SPATA31D1: variants seen among roughly 807,000 people sequenced by gnomAD.
SPATA31D1 encodes the protein spermatogenesis-associated protein 31D1.
A neutral mutation model predicts 13.2 loss-of-function variants in SPATA31D1; 6 were observed. The observed-to-expected ratio is 0.46, with a 90% CI of 0.25 to 0.90. SPATA31D1 has a LOEUF of 0.90. Among genes scored for constraint, SPATA31D1 ranks in the 40% least tolerant of loss-of-function variants. The probability of loss-of-function intolerance (pLI) is 0.18; values close to 1 mark genes in which losing one functional copy is unlikely to be tolerated. For missense variants in SPATA31D1, 2,445 were observed against 1,884.7 expected, an observed-to-expected ratio of 1.30 and a Z score of -5.50; for synonymous variants, 903 against 718.8, an observed-to-expected ratio of 1.26 and a Z score of -4.10.
At position 81,994,654 on chromosome 9, in the gene SPATA31D1, C is replaced by T; in HGVS notation, c.4184C>T (p.Ala1395Val). 1.9e-6 allele frequency: 3 copies of T among 1,613,480 alleles called. No homozygotes were observed. Among genetic ancestry groups the T allele is most frequent in the Non-Finnish European group, 2.5e-6 (3 of 1,179,632 alleles). Residue 1395 changes from alanine (A) to valine (V), a missense_variant, in exon 4 of 4, where the codon GCC becomes GTC. Ala to Val is a moderately conservative substitution (Grantham distance 64). Transcript: ENST00000344803. Reference sequence around the variant, plus strand: ...AATATTGGTCGAGTTATAAGAGCTGCCTTTACTGGGACTACTGAAGCTCAG... The same window carrying T: ...AATATTGGTCGAGTTATAAGAGCTGTCTTTACTGGGACTACTGAAGCTCAG... ...VQNIGRVIRA[A>V]FTGTTEAQKI...
chr9:81,992,965 T>C lies in SPATA31D1; in HGVS notation c.2495T>C (p.Val832Ala), dbSNP rs1261880621. ...GQKQLENALT[V>A]RLSKKFEEIN... ...AAACAACTTGAAAATGCCCTGACAG[T>C]ACGTTTGAGCAAGAAATTTGAGGAA... The change falls in exon 4 of 4, where the codon GTA (valine) becomes GCA (alanine). Residue 832 changes from valine (V) to alanine (A), a missense_variant. Val to Ala is a moderately conservative substitution (Grantham distance 64). Coordinates refer to ENST00000344803, the MANE Select transcript of SPATA31D1 (RefSeq NM_001001670.3). The C allele has an allele frequency of 1.4e-5, 22 of 1,613,718 alleles. No homozygotes were observed. Among genetic ancestry groups the C allele is most frequent in the Non-Finnish European group, 1.9e-5 (22 of 1,179,720 alleles).
rs1355385477 is a variant in SPATA31D1 at position 81,992,779 on chromosome 9, G to A, written c.2309G>A (p.Gly770Glu). Residue 770 changes from glycine (G) to glutamate (E), a missense_variant, in exon 4 of 4, where the codon GGG becomes GAG. Gly to Glu is a moderately conservative substitution (Grantham distance 98). Transcript: ENST00000344803. ...SSNMLSMENV[G>E]NYQGYSQETV... is the part of the protein sequence containing the mutation. ...AATATGCTTTCCATGGAGAATGTGG[G>A]GAATTATCAGGGATACAGCCAGGAG... 1 of 1,613,784 alleles carries A rather than the reference G, an allele frequency of 6.2e-7. No homozygotes were observed. Among genetic ancestry groups the A allele is most frequent in the Non-Finnish European group, 8.5e-7 (1 of 1,179,726 alleles).
rs1161347998 is a variant in SPATA31D1, at chr9:81,990,990, TCCACCCCCTCA to T, written c.521_531del (p.Ser174CysfsTer14). 6.2e-7 allele frequency: 1 copy of T among 1,613,596 alleles called. No homozygotes were observed. Among genetic ancestry groups the T allele is most frequent in the African/African-American group, 1.3e-5 (1 of 74,878 alleles). ...GACTGAGTCATCGTTCACTCTGGCT[TCCACCCCCTCA>T]GCAACCCCTCCAGAAGACCTAATAC... On this transcript the variant is annotated frameshift_variant, in exon 4 of 4. Coordinates refer to ENST00000344803, the MANE Select transcript of SPATA31D1 (RefSeq NM_001001670.3). LOFTEE classifies it low-confidence loss of function (END_TRUNC).
rs1313651844 is a variant in SPATA31D1, at chr9:81,994,347, A to C, written c.3877A>C (p.Arg1293=). The change falls in exon 4 of 4, where the codon AGA becomes CGA. Residue 1293 remains arginine (R), a synonymous_variant. Coordinates refer to ENST00000344803, the MANE Select transcript of SPATA31D1 (RefSeq NM_001001670.3). ...QVTNFPPAVN[R]VSPVRPKGGE... ...TACGAATTTCCCACCAGCTGTAAAC[A>C]GAGTGAGTCCTGTGAGACCCAAAGG... is the stretch of plus-strand genomic sequence containing the variant. 1.9e-6 allele frequency: 3 copies of C among 1,613,944 alleles called. No individual in the cohort carries two copies. In the East Asian group the frequency reaches 6.7e-5, roughly 36 times the overall value.
Position 81,993,738 on chromosome 9 carries a change from C to T in SPATA31D1, c.3268C>T (p.Leu1090=). 6.2e-7 allele frequency: 1 copy of T among 1,614,008 alleles called. No homozygotes were observed. The highest frequency in any genetic ancestry group is 1.1e-5 in the South Asian group (1 of 91,088). ...AACAGAGGATGGCAGACAGACTTTTCTGCCCCCGCCACACAGCATCGTAGA... is the reference window on the plus strand; with the variant it reads ...AACAGAGGATGGCAGACAGACTTTTTTGCCCCCGCCACACAGCATCGTAGA... The part of the protein sequence containing the change: ...RTTEDGRQTF[L]PPPHSIVDEV... Residue 1090 remains leucine (L), a synonymous_variant, in exon 4 of 4, where the codon CTG becomes TTG. Transcript: ENST00000344803.
In SPATA31D1 at chr9:81,994,617, T is replaced by G. The variant is rs759281561; in HGVS notation, c.4147T>G (p.Ser1383Ala). The G allele has an allele frequency of 7.4e-6, 12 of 1,613,196 alleles. No individual in the cohort carries two copies. Among genetic ancestry groups the G allele is most frequent in the Non-Finnish European group, 1.0e-5 (12 of 1,179,528 alleles). ...SSWEKGSSLS[S>A]CVQNIGRVIR... The stretch of plus-strand genomic sequence containing the variant: ...CTGGGAAAAGGGTAGCTCCCTGTCA[T>G]CATGTGTGCAGAATATTGGTCGAGT... The change falls in exon 4 of 4, where the codon TCA becomes GCA. Residue 1383 changes from serine to alanine, a missense_variant. Transcript: ENST00000344803.
Position 81,994,778 on chromosome 9 carries a change from G to C in SPATA31D1, c.4308G>C (p.Val1436=). Residue 1436 remains valine (V), a synonymous_variant, in exon 4 of 4, where the codon GTG becomes GTC. Transcript: ENST00000344803. ...TCPQEPLSFP[V]GLGKAQHNPE... Reference sequence around the variant, plus strand: ...CCCAAGAGCCCCTTTCCTTCCCAGTGGGGCTTGGGAAAGCTCAGCACAACC... The same window carrying C: ...CCCAAGAGCCCCTTTCCTTCCCAGTCGGGCTTGGGAAAGCTCAGCACAACC... 6.2e-7 allele frequency: 1 copy of C among 1,613,958 alleles called. No homozygotes were observed. Among genetic ancestry groups the C allele is most frequent in the Admixed American group, 1.7e-5 (1 of 60,024 alleles).
chr9:81,994,158 G>A lies in SPATA31D1; in HGVS notation c.3688G>A (p.Asp1230Asn). The change falls in exon 4 of 4, where the codon GAT becomes AAT. Residue 1230 changes from aspartate (D) to asparagine (N), a missense_variant. Transcript: ENST00000344803. ...TTTCACTGACATGTCTTTTGCCTTAGATAACTTGAGTTCCAAGGACTTACT... is the reference window on the plus strand; with the variant it reads ...TTTCACTGACATGTCTTTTGCCTTAAATAACTTGAGTTCCAAGGACTTACT... ...SHFTDMSFAL[D>N]NLSSKDLLTN... 1 of 1,614,024 alleles carries A rather than the reference G, an allele frequency of 6.2e-7. No homozygotes were observed. The highest frequency in any genetic ancestry group is 8.5e-7 in the Non-Finnish European group (1 of 1,179,892).
In SPATA31D1 at chr9:81,994,670, T is replaced by A; in HGVS notation, c.4200T>A (p.Thr1400=). 1 of 1,613,584 alleles carries A rather than the reference T, an allele frequency of 6.2e-7. No individual in the cohort carries two copies. Among genetic ancestry groups the A allele is most frequent in the Non-Finnish European group, 8.5e-7 (1 of 1,179,676 alleles). Residue 1400 remains threonine, a synonymous_variant, in exon 4 of 4, where the codon ACT becomes ACA. Coordinates refer to ENST00000344803, the MANE Select transcript of SPATA31D1 (RefSeq NM_001001670.3). ...RVIRAAFTGT[T]EAQKIRKDTR... is the part of the protein sequence containing the mutation. Reference sequence around the variant, plus strand: ...TAAGAGCTGCCTTTACTGGGACTACTGAAGCTCAGAAAATTAGGAAAGACA... The same window carrying A: ...TAAGAGCTGCCTTTACTGGGACTACAGAAGCTCAGAAAATTAGGAAAGACA...
Position 81,992,759 on chromosome 9 carries a change from G to A in SPATA31D1, c.2289G>A (p.Met763Ile). The change falls in exon 4 of 4, where the codon ATG becomes ATA. Residue 763 changes from methionine to isoleucine, a missense_variant. Met to Ile is a conservative substitution (Grantham distance 10). Coordinates refer to ENST00000344803, the MANE Select transcript of SPATA31D1 (RefSeq NM_001001670.3). ...GCTTCCACGAGAGGAGCTCAAATAT[G>A]CTTTCCATGGAGAATGTGGGGAATT... The part of the protein sequence containing the change: ...PRSFHERSSN[M>I]LSMENVGNYQ... 6.2e-7 allele frequency: 1 copy of A among 1,613,842 alleles called. No homozygotes were observed. The highest frequency in any genetic ancestry group is 8.5e-7 in the Non-Finnish European group (1 of 1,179,736).
chr9:81,990,476 CT>C lies in SPATA31D1; in HGVS notation c.294del (p.Leu99Ter). ...EEEEERKLLS[L>X]LKSFGPPVSC... ...GGAAGAGGAAAGGAAGCTGCTTTCT[CT>C]TCTGAAAAGGTGATTAATCTTTCCC... On this transcript the variant is annotated frameshift_variant, in exon 3 of 4. Transcript: ENST00000344803. LOFTEE classifies it low-confidence loss of function (END_TRUNC). The C allele has an allele frequency of 1.9e-6, 3 of 1,605,696 alleles. No homozygotes were observed. Among genetic ancestry groups the C allele is most frequent in the Non-Finnish European group, 2.6e-6 (3 of 1,175,780 alleles).
rs1449361586 is a variant in SPATA31D1, at chr9:81,993,896, C to T, written c.3426C>T (p.Gly1142=). The change falls in exon 4 of 4, where the codon GGC becomes GGT. Residue 1142 remains glycine (G), a synonymous_variant. Transcript: ENST00000344803. ...SSFHNVDRLQ[G]SRKTFPVTNA... Reference sequence around the variant, plus strand: ...TTCATAATGTAGACAGGCTTCAGGGCAGTAGAAAGACCTTTCCTGTCACCA... The same window carrying T: ...TTCATAATGTAGACAGGCTTCAGGGTAGTAGAAAGACCTTTCCTGTCACCA... 10 of 1,613,794 alleles carry T rather than the reference C, an allele frequency of 6.2e-6. No individual in the cohort carries two copies. Among genetic ancestry groups the T allele is most frequent in the African/African-American group, 4.0e-5 (3 of 74,898 alleles).
At position 81,991,482 on chromosome 9, in the gene SPATA31D1, A is replaced by G; in HGVS notation, c.1012A>G (p.Thr338Ala). Residue 338 changes from threonine (T) to alanine (A), a missense_variant, in exon 4 of 4, where the codon ACC (threonine) becomes GCC (alanine). Coordinates refer to ENST00000344803, the MANE Select transcript of SPATA31D1 (RefSeq NM_001001670.3). Reference sequence around the variant, plus strand: ...TCTAGGTGGCTCTGGTGGGTCATCCACCTCTGCCCCAACAATCAAAGGCAT... The same window carrying G: ...TCTAGGTGGCTCTGGTGGGTCATCCGCCTCTGCCCCAACAATCAAAGGCAT... ...LSLGGSGGSS[T>A]SAPTIKGIDH... The G allele has an allele frequency of 1.2e-6, 2 of 1,613,908 alleles. No individual in the cohort carries two copies. Among genetic ancestry groups the G allele is most frequent in the Non-Finnish European group, 1.7e-6 (2 of 1,179,864 alleles).
In SPATA31D1 at chr9:81,989,657, TATTA is replaced by T. The variant is rs1824913297; in HGVS notation, c.187-115_187-112del. On this transcript the variant is annotated intron_variant, in intron 1 of 3. Coordinates refer to ENST00000344803, the MANE Select transcript of SPATA31D1 (RefSeq NM_001001670.3). Reference sequence around the variant, plus strand: ...AAAATTGATAACAGGAACATATTTCTATTAATTAAAGAGTAATATTCTTGTATAA... The same window carrying T: ...AAAATTGATAACAGGAACATATTTCTATTAAAGAGTAATATTCTTGTATAA... 1.0e-5 allele frequency: 11 copies of T among 1,087,070 alleles called. No homozygotes were observed. The South Asian group carries it at 1.2e-4, about 12-fold the overall frequency. The allele number at this position is 1,087,070 out of a possible 1,614,324, so 67.3% of individuals were successfully genotyped here.
chr9:81,989,655 T>C, intron 1 of SPATA31D1, 123 bp from the exon 2 acceptor site: 1 of 1,068,752 alleles, frequency 9.4e-7, no homozygotes, highest in Admixed American at 2.5e-5. Context: ...GGAACATATT[T>C]CTATTAATTA....
chr9:81,989,404 T>G (rs1281145514), intron 1 of SPATA31D1, among the ~76,000 whole-genome samples: 1 of 152,206 alleles, frequency 6.6e-6, no homozygotes, highest in Non-Finnish European at 1.5e-5. Context: ...TCCTTCGTGT[T>G]GGGCTGACCA....
chr9:81,989,714 A>G lies in SPATA31D1; in HGVS notation c.187-64A>G, dbSNP rs2133436458. On this transcript the variant is annotated intron_variant, in intron 1 of 3. Coordinates refer to ENST00000344803, the MANE Select transcript of SPATA31D1 (RefSeq NM_001001670.3). ...AATGAATGAATGAATGAATGAATGAATGAGCTTCATAGAGAGTGAGAGAAG... is the reference window on the plus strand; with the variant it reads ...AATGAATGAATGAATGAATGAATGAGTGAGCTTCATAGAGAGTGAGAGAAG... 3.5e-6 allele frequency: 5 copies of G among 1,432,740 alleles called. No homozygotes were observed. In the East Asian group the frequency reaches 6.9e-5, roughly 20 times the overall value. 88.8% of individuals were successfully genotyped at this position (1,432,740 alleles called of 1,614,324 possible).
rs375918710 is a variant in SPATA31D1, at chr9:81,993,088, A to G, written c.2618A>G (p.His873Arg). ...GAGAAATCCCACAGCCAAATTAAACATCGAAATCTGGTAACATTGGTGAGT... is the reference window on the plus strand; with the variant it reads ...GAGAAATCCCACAGCCAAATTAAACGTCGAAATCTGGTAACATTGGTGAGT... Reference protein sequence around the residue: ...LPEKSHSQIKHRNLVTLVSED... With the variant: ...LPEKSHSQIKRRNLVTLVSED... The change falls in exon 4 of 4, where the codon CAT (histidine) becomes CGT (arginine). Residue 873 changes from histidine (H) to arginine (R), a missense_variant. Coordinates refer to ENST00000344803, the MANE Select transcript of SPATA31D1 (RefSeq NM_001001670.3). 3.1e-6 allele frequency: 5 copies of G among 1,613,734 alleles called. No homozygotes were observed. The highest frequency in any genetic ancestry group is 4.2e-6 in the Non-Finnish European group (5 of 1,179,782).
chr9:81,992,912 G>A lies in SPATA31D1; in HGVS notation c.2442G>A (p.Gly814=), dbSNP rs762195403. 101 of 1,613,668 alleles carry A rather than the reference G, an allele frequency of 6.3e-5. No homozygotes were observed. Among genetic ancestry groups the A allele is most frequent in the Non-Finnish European group, 8.1e-5 (96 of 1,179,728 alleles). ...AAACTCATATGATGCATCTGTCAGGGAATGACTCAGGGGTGAGACTAGGTC... is the reference window on the plus strand; with the variant it reads ...AAACTCATATGATGCATCTGTCAGGAAATGACTCAGGGGTGAGACTAGGTC... ...DLETHMMHLS[G]NDSGVRLGQK... Residue 814 remains glycine, a synonymous_variant, in exon 4 of 4, where the codon GGG becomes GGA. Coordinates refer to ENST00000344803, the MANE Select transcript of SPATA31D1 (RefSeq NM_001001670.3).
Sources: gnomAD v4.1 joint callset for allele counts (sites outside exome capture counted in the v4.1 genomes callset) on GRCh38, gnomAD v4.1.1 for gene constraint, MANE v1.5 for transcripts, NCBI Gene and HGNC (gene_info 2026-07-23, HGNC 2026-07-21) for gene names.